The following TMEM164 variants were observed in gnomAD, a reference collection of about 807,000 sequenced individuals.
The protein encoded by TMEM164 is transmembrane protein 164.
A neutral mutation model predicts 18.8 loss-of-function variants in TMEM164; 4 were observed. The ratio of observed to expected loss-of-function variants is 0.21; its 90% CI spans 0.10 to 0.49. The LOEUF is 0.49. Ranked by LOEUF, TMEM164 falls within the 20% of genes least tolerant of loss-of-function variation. TMEM164 has a pLI of 0.98. For missense variants in TMEM164, 108 were observed against 239.9 expected, an observed-to-expected ratio of 0.45 and a Z score of 3.63; for synonymous variants, 86 against 101.7, an observed-to-expected ratio of 0.85 and a Z score of 0.93.
chrX:110,153,117 C>T (rs182411220), intron 5 of TMEM164, among the ~76,000 whole-genome samples: 30 of 111,697 alleles, frequency 2.7e-4, no homozygotes, highest in Admixed American at 7.6e-4. Flanking sequence ...CAGCTGTGGG[C>T]CTAGAAACAT....
intron 2 of TMEM164, among the ~76,000 whole-genome samples, chrX:110,012,662 A>G (rs1186721570): frequency 8.9e-6 from 1 of 111,861 alleles, no homozygotes; most frequent in African/African-American, 3.3e-5. Context: ...CTCCCTCCAC[A>G]GTGCTTGGAT....
At chrX:110,150,865 A>G (rs907935330) in intron 5 of TMEM164, among the ~76,000 whole-genome samples, 3 of 111,580 alleles carry the variant, frequency 2.7e-5, no homozygotes, top group South Asian at 3.7e-4. Context: ...AGAATACAGT[A>G]TAATAAAAAT....
In TMEM164 at chrX:110,051,562, A is replaced by C. The variant is rs1490070701; in HGVS notation, c.391-15785A>C. Among the ~76,000 whole-genome samples the C allele has an allele frequency of 3.8e-5, 4 of 105,811 alleles. No homozygotes were observed. The Admixed American group carries it at 4.1e-4, about 11-fold the overall frequency. The allele number at this position is 105,811 out of a possible 115,157, so 91.9% of individuals were successfully genotyped here. On this transcript the variant is annotated intron_variant, in intron 2 of 6. Coordinates refer to ENST00000372068, the MANE Select transcript of TMEM164 (RefSeq NM_032227.4). ...CCCCCCTGTCATTATTGTTGCATAC[A>C]AAAGAGAGGTAACTTTCTTTCAAAA...
chrX:110,116,633 C>G (rs1234390667), intron 4 of TMEM164, among the ~76,000 whole-genome samples: 1 of 111,727 alleles, frequency 9.0e-6, no homozygotes, highest in Non-Finnish European at 1.9e-5. Context: ...GTCTCTTAAC[C>G]CTTACAGTAT....
At chrX:110,161,878 T>A (rs769444950) in intron 5 of TMEM164, among the ~76,000 whole-genome samples, 1 of 112,460 alleles carries the variant, frequency 8.9e-6, no homozygotes, top group Non-Finnish European at 1.9e-5. Flanking sequence ...TTCCACAACT[T>A]CCCTAGGACA....
chrX:110,051,234 T>C (rs1041435860), intron 2 of TMEM164, among the ~76,000 whole-genome samples: 2 of 111,876 alleles, frequency 1.8e-5, no homozygotes, highest in South Asian at 3.7e-4. Context: ...CGGCTGTACA[T>C]TGAAATCAGC....
At chrX:110,072,825 T>C (rs755316828) in intron 3 of TMEM164, among the ~76,000 whole-genome samples, 1 of 110,488 alleles carries the variant, frequency 9.1e-6, no homozygotes, top group African/African-American at 3.3e-5. Context: ...ATTTATTTTT[T>C]GTCTTTTTTT....
intron 5 of TMEM164, among the ~76,000 whole-genome samples, chrX:110,150,546 T>C (rs773907090): frequency 2.7e-4 from 30 of 112,992 alleles, no homozygotes; most frequent in Admixed American, 6.5e-4. Flanking sequence ...AAAGCCATAC[T>C]GTGAAAAATA....
At chrX:110,157,020 A>C (rs893425067) in intron 5 of TMEM164, among the ~76,000 whole-genome samples, 16 of 111,938 alleles carry the variant, frequency 1.4e-4, no homozygotes, top group Admixed American at 6.6e-4. Context: ...TTAGGATAAA[A>C]TATTCTGGAG....
chrX:110,072,685 T>G (rs2065612667), intron 3 of TMEM164, among the ~76,000 whole-genome samples: 1 of 111,833 alleles, frequency 8.9e-6, no homozygotes, highest in East Asian at 2.8e-4. Flanking sequence ...CATAGAACCA[T>G]GTTTTCAATT....
At chrX:110,148,478 A>G (rs552617878) in intron 5 of TMEM164, among the ~76,000 whole-genome samples, 7 of 110,572 alleles carry the variant, frequency 6.3e-5, no homozygotes, top group African/African-American at 2.3e-4. Flanking sequence ...TCTATCAATT[A>G]ATCACTTATG....
intron 4 of TMEM164, among the ~76,000 whole-genome samples, chrX:110,118,958 C>A (rs2066410770): frequency 9.0e-6 from 1 of 111,244 alleles, no homozygotes; most frequent in South Asian, 3.7e-4. Flanking sequence ...AATTCATCAG[C>A]CAACCTGAAC....
chrX:110,086,846 C>A (rs2065862178), intron 3 of TMEM164, among the ~76,000 whole-genome samples: 1 of 110,158 alleles, frequency 9.1e-6, no homozygotes, highest in Non-Finnish European at 1.9e-5. Flanking sequence ...AGCTAGAAGG[C>A]AGTGGGAGAC....
At chrX:110,050,639 C>T (rs1260563374) in intron 2 of TMEM164, among the ~76,000 whole-genome samples, 10 of 111,651 alleles carry the variant, frequency 9.0e-5, no homozygotes, top group African/African-American at 3.3e-4. Context: ...AGAGCACATA[C>T]GGAGGAAGAA....
At chrX:110,115,948 C>T (rs940004579) in intron 4 of TMEM164, among the ~76,000 whole-genome samples, 2 of 110,543 alleles carry the variant, frequency 1.8e-5, no homozygotes, top group South Asian at 3.9e-4. Context: ...AATAGCTGGG[C>T]GTGGTGGCAC....
At chrX:110,127,953 G>C (rs2066558812) in intron 4 of TMEM164, among the ~76,000 whole-genome samples, 1 of 112,565 alleles carries the variant, frequency 8.9e-6, no homozygotes, top group Non-Finnish European at 1.9e-5. Context: ...GCATGCACAA[G>C]TTACCCATTG....
intron 2 of TMEM164, among the ~76,000 whole-genome samples, chrX:110,006,965 C>T (rs1932760221): frequency 8.9e-6 from 1 of 112,231 alleles, no homozygotes; most frequent in South Asian, 3.7e-4. Context: ...TGATATGTGT[C>T]TCTCAACAGG....
chrX:110,030,086 TTC>T (rs1453002734), intron 2 of TMEM164, among the ~76,000 whole-genome samples: 1 of 107,107 alleles, frequency 9.3e-6, no homozygotes, highest in Non-Finnish European at 1.9e-5. Context: ...CTCTCCCTTT[TTC>T]TCTCTCTTTT....
intron 5 of TMEM164, among the ~76,000 whole-genome samples, chrX:110,164,012 C>T (rs1009947726): frequency 3.6e-5 from 4 of 111,831 alleles, no homozygotes; most frequent in Non-Finnish European, 7.5e-5. Context: ...ATTAAAGATT[C>T]GAGAAGAGAG....
Sources: allele counts gnomAD v4.1 joint callset (sites outside exome capture counted in the v4.1 genomes callset), GRCh38; gene constraint gnomAD v4.1.1; transcripts MANE v1.5; gene names NCBI Gene and HGNC (gene_info 2026-07-23, HGNC 2026-07-21).